Variants in YTHDF3 observed in about 807,000 individuals in gnomAD.
YTHDF3 encodes YTH domain-containing family protein 3.
A neutral mutation model predicts 52.5 loss-of-function variants in YTHDF3; 9 were observed. The ratio of observed to expected loss-of-function variants is 0.17; its 90% CI spans 0.10 to 0.30. YTHDF3 has a LOEUF of 0.30. YTHDF3 is among the 10% of genes least tolerant of loss of function. YTHDF3 has a pLI of 1.00. For synonymous variants in YTHDF3, 274 were observed against 243.3 expected, an observed-to-expected ratio of 1.13 and a Z score of -1.18; for missense variants, 534 against 715.0, an observed-to-expected ratio of 0.75 and a Z score of 2.89.
intron 2 of YTHDF3, among the ~76,000 whole-genome samples, chr8:63,173,251 T>G (rs1807465144): frequency 7.0e-6 from 1 of 143,068 alleles, no homozygotes; most frequent in Non-Finnish European, 1.5e-5. Flanking sequence ...TCCTTTTTTT[T>G]TTTTTAAATA....
Position 63,186,734 on chromosome 8 carries a change from T to C in YTHDF3, c.723T>C (p.Ile241=), listed in dbSNP as rs2150373310. The C allele has an allele frequency of 6.2e-7, 1 of 1,613,974 alleles. No homozygotes were observed. Among genetic ancestry groups the C allele is most frequent in the Non-Finnish European group, 8.5e-7 (1 of 1,179,888 alleles). The part of the protein sequence containing the change: ...AAPKPTSWAA[I]ARKPAKPQPK... ...CTAAACCAACCTCCTGGGCTGCCAT[T>C]GCCAGAAAGCCTGCCAAACCTCAAC... The change falls in exon 4 of 5, where the codon ATT becomes ATC. Residue 241 remains isoleucine (I), a synonymous_variant. Coordinates refer to ENST00000539294, the MANE Select transcript of YTHDF3 (RefSeq NM_152758.6).
rs1347791604 is a variant in YTHDF3, at chr8:63,210,831, TC to T, written c.*1126del. The T allele has an allele frequency of 6.6e-6, 1 of 152,602 alleles. No individual in the cohort carries two copies. Among genetic ancestry groups the T allele is most frequent in the Non-Finnish European group, 1.5e-5 (1 of 67,992 alleles). The allele number at this position is 152,602 out of a possible 1,614,324, so 9.5% of individuals were successfully genotyped here. A position where few individuals can be genotyped will look rare whatever the true frequency, so the allele number is the denominator to read the frequency against. On this transcript the variant is annotated 3_prime_UTR_variant, in exon 5 of 5. Transcript: ENST00000539294. ...TATTCTTATAGTTATCTTTTTAACA[TC>T]TTATTTTTTTCATTAATTACATATC...
intron 4 of YTHDF3, among the ~76,000 whole-genome samples, chr8:63,203,911 C>T (rs1809811250): frequency 6.6e-6 from 1 of 152,138 alleles, no homozygotes; most frequent in Admixed American, 6.5e-5. Context: ...TTCATCTCAT[C>T]TTATATCTTA....
chr8:63,169,285 G>T, intron 1 of YTHDF3, 102 bp from the exon 2 acceptor site: 1 of 1,456,538 alleles, frequency 6.9e-7, no homozygotes, highest in East Asian at 2.5e-5. Flanking sequence ...CTCCTACGCG[G>T]ATAGTCTAAA....
chr8:63,190,782 A>G (rs1374285531), intron 4 of YTHDF3, among the ~76,000 whole-genome samples: 2 of 152,178 alleles, frequency 1.3e-5, no homozygotes, highest in Non-Finnish European at 2.9e-5. Flanking sequence ...CTTGAATGTC[A>G]GAGCCTACTC....
chr8:63,169,936 C>A (rs1227860721), intron 2 of YTHDF3, among the ~76,000 whole-genome samples: 2 of 152,164 alleles, frequency 1.3e-5, no homozygotes, highest in African/African-American at 2.4e-5. Flanking sequence ...CTCTATTGTT[C>A]TGATTGCAAG....
chr8:63,173,202 T>TATATATATATATATATATATATATATA (rs1554533375), intron 2 of YTHDF3, among the ~76,000 whole-genome samples: 49 of 125,874 alleles, frequency 3.9e-4, no homozygotes, highest in East Asian at 1.3e-3. Context: ...AGGATTATAT[T>TATATATATATATATATATATATATATA]TATATATATA....
At position 63,173,202 on chromosome 8, in the gene YTHDF3, T is replaced by TTTTATATATATATATATATA. The variant is rs1554533374; in HGVS notation, c.50-2128_50-2127insTTATATATATATATATATAT. Among the ~76,000 whole-genome samples the TTTTATATATATATATATATA allele has an allele frequency of 2.9e-4, 37 of 125,918 alleles. 1 individual carries two copies. Among genetic ancestry groups the TTTTATATATATATATATATA allele is most frequent in the African/African-American group, 1.4e-3 (34 of 24,804 alleles). 82.6% of individuals were successfully genotyped at this position (125,918 alleles called of 152,430 possible). On this transcript the variant is annotated intron_variant, in intron 2 of 4. Transcript: ENST00000539294. ...AAAAATAAGAATAACAGGATTATAT[T>TTTTATATATATATATATATA]TATATATATATACAGATAAATTTTA...
At position 63,209,805 on chromosome 8, in the gene YTHDF3, A is replaced by G; in HGVS notation, c.*99A>G. The G allele has an allele frequency of 1.6e-6, 2 of 1,242,406 alleles. No individual in the cohort carries two copies. The highest frequency in any genetic ancestry group is 2.2e-6 in the Non-Finnish European group (2 of 905,566). 77.0% of individuals were successfully genotyped at this position (1,242,406 alleles called of 1,614,324 possible). A position where few individuals can be genotyped will look rare whatever the true frequency, so the allele number is the denominator to read the frequency against. ...GACGTATTAAAGCTCTTTTCTGCTT[A>G]AGGTGACATCTTTGAACACTTTAAC... On this transcript the variant is annotated 3_prime_UTR_variant, in exon 5 of 5. Coordinates refer to ENST00000539294, the MANE Select transcript of YTHDF3 (RefSeq NM_152758.6).
chr8:63,179,605 CCCATGT>C (rs1365666478), intron 3 of YTHDF3, among the ~76,000 whole-genome samples: 1 of 152,124 alleles, frequency 6.6e-6, no homozygotes, highest in Non-Finnish European at 1.5e-5. Context: ...TGAAAAGTCT[CCCATGT>C]CTACCTCTTT....
intron 4 of YTHDF3, among the ~76,000 whole-genome samples, chr8:63,207,839 C>G (rs371176668): frequency 3.3e-5 from 5 of 152,092 alleles, no homozygotes; most frequent in African/African-American, 1.2e-4. Flanking sequence ...GCCCTTACAT[C>G]TTTTTACTTA....
chr8:63,170,130 CAT>C (rs1207053001), intron 2 of YTHDF3, among the ~76,000 whole-genome samples: 1 of 152,104 alleles, frequency 6.6e-6, no homozygotes, highest in Non-Finnish European at 1.5e-5. Flanking sequence ...TGACATTAGT[CAT>C]GTGACATTTA....
intron 4 of YTHDF3, among the ~76,000 whole-genome samples, chr8:63,202,541 A>C (rs1809707125): frequency 2.0e-5 from 3 of 150,938 alleles, no homozygotes; most frequent in South Asian, 2.1e-4. Flanking sequence ...GGCTCACTGC[A>C]ACCTCCGCCT....
At chr8:63,204,333 T>C (rs7000130) in intron 4 of YTHDF3, among the ~76,000 whole-genome samples, 3,527 of 152,018 alleles carry the variant, frequency 0.023, 134 homozygotes, top group African/African-American at 0.081. Flanking sequence ...TCAAGATTCT[T>C]AGCTACAAAT....
At chr8:63,170,873 G>GT in intron 2 of YTHDF3, among the ~76,000 whole-genome samples, 1 of 152,296 alleles carries the variant, frequency 6.6e-6, no homozygotes, top group South Asian at 2.1e-4. Flanking sequence ...CTACAGCACT[G>GT]TAAGTCAGTA....
In YTHDF3 at chr8:63,187,556, A is replaced by G. The variant is rs748133225; in HGVS notation, c.1545A>G (p.Gln515=). 2.4e-5 allele frequency: 39 copies of G among 1,613,870 alleles called. No homozygotes were observed. The South Asian group carries it at 3.8e-4, about 16-fold the overall frequency. Residue 515 remains glutamine, a synonymous_variant, in exon 4 of 5, where the codon CAA becomes CAG. Coordinates refer to ENST00000539294, the MANE Select transcript of YTHDF3 (RefSeq NM_152758.6). ...TTGTCAAAGATGTTCCCAATAACCA[A>G]TTACGGCATATTCGCTTAGAAAATA... The part of the protein sequence containing the change: ...WIFVKDVPNN[Q]LRHIRLENND...
chr8:63,182,196 T>C (rs73256834), intron 3 of YTHDF3, among the ~76,000 whole-genome samples: 13 of 151,100 alleles, frequency 8.6e-5, no homozygotes, highest in African/African-American at 2.9e-4. Flanking sequence ...ACCTCCCAAG[T>C]AGCTGAGTCT....
chr8:63,188,722 T>C (rs1315808510), intron 4 of YTHDF3: 6 of 128,090 alleles, frequency 4.7e-5, no homozygotes, highest in African/African-American at 1.8e-4. Flanking sequence ...TTTTTTTTTT[T>C]TTCTTTTGTG....
At chr8:63,170,136 A>T (rs1807208435) in intron 2 of YTHDF3, among the ~76,000 whole-genome samples, 1 of 152,226 alleles carries the variant, frequency 6.6e-6, no homozygotes, top group South Asian at 2.1e-4. Flanking sequence ...TAGTCATGTG[A>T]CATTTAGTTA....
Sources: allele counts gnomAD v4.1 joint callset (sites outside exome capture counted in the v4.1 genomes callset), GRCh38; gene constraint gnomAD v4.1.1; transcripts MANE v1.5; gene names NCBI Gene and HGNC (gene_info 2026-07-23, HGNC 2026-07-21).